The following GALNT10 variants were observed in gnomAD, a reference collection of about 807,000 sequenced individuals.
GALNT10 encodes GalNAc transferase 10.
Under a neutral mutation model 75.0 loss-of-function variants are expected in GALNT10, and 41 were observed. The observed-to-expected ratio is 0.55, with a 90% CI of 0.43 to 0.71. GALNT10 has a LOEUF of 0.71. GALNT10 is among the 30% of genes least tolerant of loss of function. GALNT10 has a pLI of 0.00. For synonymous variants in GALNT10, 302 were observed against 313.0 expected, an observed-to-expected ratio of 0.96 and a Z score of 0.37; for missense variants, 727 against 818.5, an observed-to-expected ratio of 0.89 and a Z score of 1.36.
intron 8 of GALNT10, among the ~76,000 whole-genome samples, chr5:154,407,807 C>A (rs1051490403): frequency 3.9e-5 from 6 of 152,136 alleles, no homozygotes; most frequent in African/African-American, 1.4e-4. Flanking sequence ...GTTTTCTAAC[C>A]CACTGTGGAC....
intron 4 of GALNT10, among the ~76,000 whole-genome samples, chr5:154,363,932 T>G (rs891059825): frequency 6.6e-6 from 1 of 151,902 alleles, no homozygotes; most frequent in African/African-American, 2.4e-5. Flanking sequence ...GCAAAATATG[T>G]TAAGTTATGA....
intron 1 of GALNT10, chr5:154,218,264 G>A (rs1752914948): frequency 3.4e-6 from 1 of 297,920 alleles, no homozygotes; most frequent in Non-Finnish European, 5.0e-6. Context: ...TTCCACACTG[G>A]GCAGAGATTC....
chr5:154,408,457 G>A (rs1217973207), intron 8 of GALNT10, among the ~76,000 whole-genome samples: 1 of 152,154 alleles, frequency 6.6e-6, no homozygotes, highest in East Asian at 1.9e-4. Flanking sequence ...AATTTCCCCT[G>A]AACCCTGAAG....
intron 3 of GALNT10, among the ~76,000 whole-genome samples, chr5:154,314,718 G>T (rs1007144253): frequency 5.3e-5 from 8 of 151,570 alleles, no homozygotes; most frequent in African/African-American, 1.7e-4. Context: ...GCAAAGGGGG[G>T]TATGTTGGAT....
chr5:154,347,111 A>G, intron 4 of GALNT10: 1 of 510,266 alleles, frequency 2.0e-6, no homozygotes, highest in South Asian at 1.5e-5. Context: ...ATTAACACCT[A>G]ATGTGTGCCA....
intron 1 of GALNT10, among the ~76,000 whole-genome samples, chr5:154,231,458 T>A (rs1026375321): frequency 7.9e-5 from 12 of 152,230 alleles, no homozygotes; most frequent in African/African-American, 2.7e-4. Flanking sequence ...CCTCAAGTTT[T>A]CCTGATGTAT....
intron 4 of GALNT10, among the ~76,000 whole-genome samples, chr5:154,358,362 A>G (rs147161425): frequency 8.1e-4 from 124 of 152,240 alleles, no homozygotes; most frequent in Admixed American, 1.8e-3. Flanking sequence ...CACCACCAAC[A>G]AGTGTAAATG....
intron 1 of GALNT10, among the ~76,000 whole-genome samples, chr5:154,207,607 G>A (rs1369932410): frequency 6.6e-6 from 1 of 152,176 alleles, no homozygotes; most frequent in Non-Finnish European, 1.5e-5. Flanking sequence ...AGCAGAAAAG[G>A]CTCCCTGAAG....
intron 1 of GALNT10, among the ~76,000 whole-genome samples, chr5:154,284,537 T>C (rs184808477): frequency 5.8e-4 from 88 of 152,308 alleles, no homozygotes; most frequent in Non-Finnish European, 8.4e-4. Flanking sequence ...TTTTTTCTTT[T>C]TACCCATCCA....
intron 1 of GALNT10, among the ~76,000 whole-genome samples, chr5:154,220,975 G>A (rs572106712): frequency 1.3e-5 from 2 of 152,302 alleles, no homozygotes; most frequent in East Asian, 3.9e-4. Context: ...ATATCATGCA[G>A]GCCAAATAAA....
intron 3 of GALNT10, among the ~76,000 whole-genome samples, chr5:154,327,615 G>A (rs1249030408): frequency 2.0e-5 from 3 of 152,190 alleles, no homozygotes; most frequent in Non-Finnish European, 4.4e-5. Context: ...ATTGACCATC[G>A]TTGGAGGATG....
Position 154,376,451 on chromosome 5 carries a change from C to A in GALNT10, c.743C>A (p.Pro248His). ...TGTGAAGCCAATGTCAACTGGCTTC[C>A]CCCCTTGCTTGGTAAGGGAGCCCCT... ...SHCEANVNWLPPLLDRIARNR... is the reference protein window; with the variant it reads ...SHCEANVNWLHPLLDRIARNR... The change falls in exon 5 of 12, where the codon CCC becomes CAC. Residue 248 changes from proline to histidine, a missense_variant. By Grantham distance (77) the Pro-to-His change is moderately conservative (BLOSUM62 -2). Transcript: ENST00000297107. This position sits in a 1 kb window ranked among gnomAD's most constrained non-coding sequence, Gnocchi z 4.1. 1 of 1,574,690 alleles carries A rather than the reference C, an allele frequency of 6.4e-7. No homozygotes were observed. Among genetic ancestry groups the A allele is most frequent in the South Asian group, 1.2e-5 (1 of 84,894 alleles).
At chr5:154,291,456 T>C (rs55826385) in intron 1 of GALNT10, among the ~76,000 whole-genome samples, 18,470 of 152,216 alleles carry the variant, frequency 0.12, 1,419 homozygotes, top group African/African-American at 0.23. Flanking sequence ...ACAAGATCCA[T>C]GCATGATTCT....
At chr5:154,378,756 C>T (rs1034385776) in intron 5 of GALNT10, among the ~76,000 whole-genome samples, 1 of 152,152 alleles carries the variant, frequency 6.6e-6, no homozygotes, top group Non-Finnish European at 1.5e-5. Flanking sequence ...GCATTCTGTC[C>T]CCAGGTGGGC....
Position 154,418,903 on chromosome 5 carries a change from T to G in GALNT10, c.*1931T>G, listed in dbSNP as rs1389064659. ...ATGAGGCCCCTTCTAGAATCTAGGA[T>G]AACAAGAGTGTTGACAGTTTGAGGA... On this transcript the variant is annotated 3_prime_UTR_variant, in exon 12 of 12. Coordinates refer to ENST00000297107, the MANE Select transcript of GALNT10 (RefSeq NM_198321.4). 1 of 152,552 alleles carries G rather than the reference T, an allele frequency of 6.6e-6. No individual in the cohort carries two copies. 9.4% of individuals were successfully genotyped at this position (152,552 alleles called of 1,614,324 possible).
At position 154,402,347 on chromosome 5, in the gene GALNT10, A is replaced by G. The variant is rs1194443463; in HGVS notation, c.1057-1757A>G. ...TTCTCCCACCCGTTCCCTTGCCTTT[A>G]CTTTCACCTTCTTGGTTCCACCTCA... On this transcript the variant is annotated intron_variant, in intron 7 of 11. Transcript: ENST00000297107. The surrounding 1 kb of genome is among the most constrained non-coding windows in gnomAD (Gnocchi z 4.2). Among the ~76,000 whole-genome samples the G allele has an allele frequency of 6.6e-6, 1 of 151,822 alleles. No individual in the cohort carries two copies. Among genetic ancestry groups the G allele is most frequent in the African/African-American group, 2.4e-5 (1 of 41,264 alleles).
chr5:154,295,058 C>A, intron 2 of GALNT10, 140 bp downstream of exon 2: 1 of 485,986 alleles, frequency 2.1e-6, no homozygotes. Flanking sequence ...TGGCTCCCTC[C>A]CTGTCAGCCA....
At chr5:154,364,201 G>A (rs1044731140) in intron 4 of GALNT10, among the ~76,000 whole-genome samples, 5 of 152,162 alleles carry the variant, frequency 3.3e-5, no homozygotes, top group African/African-American at 7.2e-5. Context: ...GAAATTAGTC[G>A]AGCAGTGTCT....
intron 3 of GALNT10, among the ~76,000 whole-genome samples, chr5:154,327,364 T>C (rs1754770284): frequency 6.6e-6 from 1 of 152,238 alleles, no homozygotes; most frequent in Non-Finnish European, 1.5e-5. Flanking sequence ...AAAAGTTCTT[T>C]GGCAGAATGG....
Sources: gnomAD v4.1 joint callset for allele counts (sites outside exome capture counted in the v4.1 genomes callset) on GRCh38, gnomAD v4.1.1 for gene constraint, Gnocchi (gnomAD v3.1) non-coding constraint, MANE v1.5 for transcripts, NCBI Gene and HGNC (gene_info 2026-07-23, HGNC 2026-07-21) for gene names.